ASAP1: variants seen among roughly 807,000 people sequenced by gnomAD.
The protein encoded by ASAP1 is ArfGAP with SH3 domain, ankyrin repeat and PH domain 1.
In ASAP1, 43 loss-of-function variants were observed where a neutral mutation model predicts 145.2. The observed-to-expected ratio is 0.30, with a 90% CI of 0.23 to 0.38. ASAP1 has a LOEUF of 0.38. Ranked by LOEUF, ASAP1 falls within the 10% of genes least tolerant of loss-of-function variation. ASAP1 has a pLI of 1.00. For synonymous variants in ASAP1, 546 were observed against 515.5 expected (o/e 1.06, Z -0.80); for missense variants, 1,018 against 1,355.3 (o/e 0.75, Z 3.91).
rs143967499 is a variant in ASAP1, at chr8:130,151,448, A to G, written c.1080+1288T>C. Reference sequence around the variant, plus strand: ...AAATGAATAACTGTTAGACAGCCTCAATCATAATTACAAACAGATCCAAGT... The same window carrying G: ...AAATGAATAACTGTTAGACAGCCTCGATCATAATTACAAACAGATCCAAGT... On this transcript the variant is annotated intron_variant, in intron 13 of 29. Coordinates refer to ENST00000518721, the MANE Select transcript of ASAP1 (RefSeq NM_018482.4). Among the ~76,000 whole-genome samples, 26 of 151,092 alleles carry G rather than the reference A, an allele frequency of 1.7e-4. No individual in the cohort carries two copies. The East Asian group carries it at 4.8e-3, about 28-fold the overall frequency.
intron 3 of ASAP1, among the ~76,000 whole-genome samples, chr8:130,313,568 G>A (rs1443966899): frequency 1.3e-5 from 2 of 152,120 alleles, no homozygotes; most frequent in Non-Finnish European, 2.9e-5. Context: ...GCCCAACTAG[G>A]GGAGCTGCAG....
intron 24 of ASAP1, among the ~76,000 whole-genome samples, chr8:130,099,588 A>C (rs1051681599): frequency 6.6e-6 from 1 of 151,910 alleles, no homozygotes; most frequent in Non-Finnish European, 1.5e-5. Context: ...GAGTGAGAAC[A>C]TGCAGTATTT....
chr8:130,411,545 C>G (rs896439004), intron 1 of ASAP1, among the ~76,000 whole-genome samples: 5 of 152,188 alleles, frequency 3.3e-5, no homozygotes, highest in Non-Finnish European at 7.3e-5. Flanking sequence ...TGGATCACCT[C>G]CCAAAGAAAC....
chr8:130,214,520 C>G, intron 5 of ASAP1, 36 bp downstream of exon 5: 1 of 1,548,902 alleles, frequency 6.5e-7, no homozygotes, highest in Non-Finnish European at 8.8e-7. Flanking sequence ...TTTGGAAAGG[C>G]TGTAATTCTT....
At chr8:130,428,570 CCATCAT>C (rs764604968) in intron 1 of ASAP1, among the ~76,000 whole-genome samples, 1 of 143,620 alleles carries the variant, frequency 7.0e-6, no homozygotes, top group Non-Finnish European at 1.5e-5. Context: ...ATCATCACCA[CCATCAT>C]CATCATCAAC....
chr8:130,374,483 G>A (rs1336493286), intron 2 of ASAP1, among the ~76,000 whole-genome samples: 4 of 152,210 alleles, frequency 2.6e-5, no homozygotes, highest in South Asian at 4.1e-4. Flanking sequence ...TAGGCCGGGC[G>A]CGGTGGCGCA....
intron 15 of ASAP1, among the ~76,000 whole-genome samples, chr8:130,129,977 A>G (rs1228232255): frequency 6.6e-6 from 1 of 152,246 alleles, no homozygotes; most frequent in Non-Finnish European, 1.5e-5. Flanking sequence ...TGGGTTCAAC[A>G]GGACTGATTA....
Position 130,090,545 on chromosome 8 carries a change from C to T in ASAP1, c.2572+1428G>A, listed in dbSNP as rs904324936. On this transcript the variant is annotated intron_variant, in intron 25 of 29. Transcript: ENST00000518721. ...CATTAACACCAAACTCCAATGTCTC[C>T]TCTTCTCTAAACCTTCCCTGGCTTT... 7.2e-5 allele frequency among the ~76,000 whole-genome samples: 11 copies of T among 152,190 alleles called. 1 individual carries two copies. The highest frequency in any genetic ancestry group is 2.7e-4 in the African/African-American group (11 of 41,450).
At chr8:130,070,084 T>C (rs955479769) in intron 27 of ASAP1, among the ~76,000 whole-genome samples, 1 of 152,216 alleles carries the variant, frequency 6.6e-6, no homozygotes, top group East Asian at 1.9e-4. Context: ...TCGCCCAGGC[T>C]GGAGTGCAGT....
In ASAP1 at chr8:130,302,904, C is replaced by G. The variant is rs1822766128; in HGVS notation, c.186+55113G>C. ...TTCCTGTGGAAAGATCGTGTCTTCT[C>G]CTTCTTTGCTGTTTCTACAACATTG... is the stretch of plus-strand genomic sequence containing the variant. On this transcript the variant is annotated intron_variant, in intron 3 of 29. Transcript: ENST00000518721. 2.0e-5 allele frequency among the ~76,000 whole-genome samples: 3 copies of G among 152,184 alleles called. No individual in the cohort carries two copies. In the South Asian group the frequency reaches 6.2e-4, roughly 32 times the overall value.
At chr8:130,192,871 G>A (rs1815232769) in intron 5 of ASAP1, among the ~76,000 whole-genome samples, 1 of 152,140 alleles carries the variant, frequency 6.6e-6, no homozygotes, top group Non-Finnish European at 1.5e-5. Flanking sequence ...TGTGTACAAA[G>A]TTCTTCTCTA....
intron 1 of ASAP1, among the ~76,000 whole-genome samples, chr8:130,431,444 C>T (rs544884963): frequency 6.6e-6 from 1 of 152,244 alleles, no homozygotes; most frequent in Non-Finnish European, 1.5e-5. Flanking sequence ...TAACGAACCA[C>T]TTGTAATTTC....
intron 3 of ASAP1, among the ~76,000 whole-genome samples, chr8:130,302,681 G>A (rs1235462247): frequency 2.0e-5 from 3 of 152,174 alleles, no homozygotes; most frequent in African/African-American, 7.2e-5. Context: ...GGGCACGTGG[G>A]GACATCTCAA....
intron 3 of ASAP1, among the ~76,000 whole-genome samples, chr8:130,326,739 G>A (rs1236371068): frequency 6.6e-6 from 1 of 152,162 alleles, no homozygotes; most frequent in African/African-American, 2.4e-5. Flanking sequence ...GAGCAGAAAT[G>A]GATTCTTCTA....
rs117699719 is a variant in ASAP1, at chr8:130,226,436, A to G, written c.259+10486T>C. On this transcript the variant is annotated intron_variant, in intron 4 of 29. Coordinates refer to ENST00000518721, the MANE Select transcript of ASAP1 (RefSeq NM_018482.4). ...CTTACATTTTCCCACCACTAACTGTATTAGTCTATTGTTAAGATTAAAGAC... is the reference window on the plus strand; with the variant it reads ...CTTACATTTTCCCACCACTAACTGTGTTAGTCTATTGTTAAGATTAAAGAC... Among the ~76,000 whole-genome samples the G allele has an allele frequency of 4.0e-3, 608 of 152,298 alleles. 4 individuals carry two copies. The highest frequency in any genetic ancestry group is 6.5e-3 in the Non-Finnish European group (444 of 68,012).
At chr8:130,359,092 C>G (rs1826566134) in intron 2 of ASAP1, among the ~76,000 whole-genome samples, 1 of 152,318 alleles carries the variant, frequency 6.6e-6, no homozygotes, top group South Asian at 2.1e-4. Context: ...CTGCAGGGTG[C>G]TCCTCACCGC....
chr8:130,091,965 T>C lies in ASAP1; in HGVS notation c.2572+8A>G, dbSNP rs1296674267. 1.3e-6 allele frequency: 2 copies of C among 1,530,090 alleles called. No homozygotes were observed. Among genetic ancestry groups the C allele is most frequent in the Admixed American group, 4.5e-5 (2 of 43,964 alleles). 94.8% of individuals were successfully genotyped at this position (1,530,090 alleles called of 1,614,324 possible). Reference sequence around the variant, plus strand: ...AGCAGCTTTGGCCCTGACTTTAGGATAACTTACCCCAAGGAACTGCGCCTT... The same window carrying C: ...AGCAGCTTTGGCCCTGACTTTAGGACAACTTACCCCAAGGAACTGCGCCTT... On this transcript the variant is annotated splice_region_variant and intron_variant, in intron 25 of 29. Transcript: ENST00000518721.
At chr8:130,357,617 C>T (rs549173460) in intron 3 of ASAP1, among the ~76,000 whole-genome samples, 1 of 152,246 alleles carries the variant, frequency 6.6e-6, no homozygotes, top group Admixed American at 6.5e-5. Context: ...ATCTCCTAGT[C>T]CCTTGCTGGT....
chr8:130,092,082 G>T lies in ASAP1; in HGVS notation c.2463C>A (p.Thr821=). ...LSTQTSSGSS[T]LSKKRPPPPP... ...GGGGAGGAGGCCTCTTCTTGGATAG[G>T]GTGGAGCTGCCACTAGAGGTCTGGG... The change falls in exon 25 of 30, where the codon ACC becomes ACA. Residue 821 remains threonine, a synonymous_variant. Transcript: ENST00000518721. 6.4e-7 allele frequency: 1 copy of T among 1,571,202 alleles called. No individual in the cohort carries two copies. The highest frequency in any genetic ancestry group is 1.2e-5 in the South Asian group (1 of 86,364).
Sources: allele counts gnomAD v4.1 joint callset (sites outside exome capture counted in the v4.1 genomes callset), GRCh38; gene constraint gnomAD v4.1.1; transcripts MANE v1.5; gene names NCBI Gene and HGNC (gene_info 2026-07-23, HGNC 2026-07-21).